DCBLD2: variants seen among roughly 807,000 people sequenced by gnomAD.
DCBLD2 encodes the protein discoidin, CUB and LCCL domain-containing protein 2.
DCBLD2 carries 54 observed loss-of-function variants against 86.8 expected under a neutral mutation model. That is an observed-to-expected ratio of 0.62 (90% CI 0.50 to 0.78). The LOEUF is 0.78. DCBLD2 is among the 30% of genes least tolerant of loss of function. DCBLD2 has a pLI of 0.00. For synonymous variants in DCBLD2, 354 were observed against 341.3 expected (o/e 1.04, Z -0.41); for missense variants, 908 against 954.2 (o/e 0.95, Z 0.64).
intron 2 of DCBLD2, among the ~76,000 whole-genome samples, chr3:98,868,844 A>C (rs1035652519): frequency 1.3e-5 from 2 of 152,142 alleles, no homozygotes; most frequent in African/African-American, 2.4e-5. Flanking sequence ...TATATATATA[A>C]CATTTTCTTT....
chr3:98,865,336 G>A (rs528156844), intron 2 of DCBLD2, among the ~76,000 whole-genome samples: 1 of 152,130 alleles, frequency 6.6e-6, no homozygotes, highest in South Asian at 2.1e-4. Flanking sequence ...GAAACTGGAG[G>A]ATATGATGTT....
At position 98,875,169 on chromosome 3, in the gene DCBLD2, G is replaced by C. The variant is rs1163010722; in HGVS notation, c.433+6371C>G. On this transcript the variant is annotated intron_variant, in intron 2 of 15. Coordinates refer to ENST00000326840, the MANE Select transcript of DCBLD2 (RefSeq NM_080927.4). ...GTGATTGTGTATCTGAAAATCCCTA[G>C]AAAGTGAATGATAAAACTAACTGAA... is the stretch of plus-strand genomic sequence containing the variant. 2.0e-5 allele frequency among the ~76,000 whole-genome samples: 3 copies of C among 152,066 alleles called. No individual in the cohort carries two copies. In the East Asian group the frequency reaches 5.8e-4, roughly 29 times the overall value.
chr3:98,870,720 GGA>G (rs1213880850), intron 2 of DCBLD2, among the ~76,000 whole-genome samples: 2 of 59,464 alleles, frequency 3.4e-5, no homozygotes, highest in African/African-American at 1.4e-4. Context: ...GAAAGAAAAA[GGA>G]AAAGAAAAGA....
At chr3:98,824,284 A>G (rs1331259003) in intron 4 of DCBLD2, among the ~76,000 whole-genome samples, 1 of 151,008 alleles carries the variant, frequency 6.6e-6, no homozygotes, top group African/African-American at 2.4e-5. Flanking sequence ...ATAGCAAGGA[A>G]TCATGAGTGG....
chr3:98,813,400 G>A (rs2107437939), intron 9 of DCBLD2: 2 of 152,420 alleles, frequency 1.3e-5, no homozygotes, highest in Middle Eastern at 3.4e-3. Flanking sequence ...GGGATTACAG[G>A]TGTGCACCAA....
At chr3:98,865,791 C>T (rs369738878) in intron 2 of DCBLD2, among the ~76,000 whole-genome samples, 62 of 151,932 alleles carry the variant, frequency 4.1e-4, no homozygotes, top group African/African-American at 1.0e-3. Flanking sequence ...ACATGTGACA[C>T]GCTGGTGTGC....
At chr3:98,862,159 C>A (rs551218162) in intron 2 of DCBLD2, among the ~76,000 whole-genome samples, 74 of 152,176 alleles carry the variant, frequency 4.9e-4, no homozygotes, top group African/African-American at 1.7e-3. Context: ...CACACCCTCC[C>A]AAGACTAAAC....
At chr3:98,834,983 A>T (rs140619276) in intron 3 of DCBLD2, among the ~76,000 whole-genome samples, 22,990 of 131,892 alleles carry the variant, frequency 0.17, 1 homozygote, top group African/African-American at 0.29. Flanking sequence ...TTTTTTTTTT[A>T]TTTTTTTGAG....
Position 98,816,917 on chromosome 3 carries a change from G to A in DCBLD2, c.1212+852C>T, listed in dbSNP as rs113309056. On this transcript the variant is annotated intron_variant, in intron 9 of 15. Transcript: ENST00000326840. ...CCACCTCAGCCTCCCAAGAAACTGGGACTACAGGCATGCGCCACCATGCCT... is the reference window on the plus strand; with the variant it reads ...CCACCTCAGCCTCCCAAGAAACTGGAACTACAGGCATGCGCCACCATGCCT... Among the ~76,000 whole-genome samples, 928 of 152,190 alleles carry A rather than the reference G, an allele frequency of 6.1e-3. 9 individuals carry two copies. The highest frequency in any genetic ancestry group is 0.021 in the African/African-American group (873 of 41,508).
intron 1 of DCBLD2, among the ~76,000 whole-genome samples, chr3:98,891,108 A>G (rs1052985868): frequency 2.6e-5 from 4 of 151,612 alleles, no homozygotes; most frequent in African/African-American, 9.7e-5. Context: ...TCCAGGGATG[A>G]TGAGTACTAC....
intron 1 of DCBLD2, among the ~76,000 whole-genome samples, chr3:98,892,070 T>C (rs542613913): frequency 1.3e-5 from 2 of 152,230 alleles, no homozygotes; most frequent in East Asian, 1.9e-4. Context: ...CCTAAACTAA[T>C]GTTATGGTAG....
rs374392851 is a variant in DCBLD2, at chr3:98,799,516, G to A, written c.2184C>T (p.Ala728=). 6.2e-7 allele frequency: 1 copy of A among 1,613,988 alleles called. No homozygotes were observed. Among genetic ancestry groups the A allele is most frequent in the Non-Finnish European group, 8.5e-7 (1 of 1,179,884 alleles). Reference sequence around the variant, plus strand: ...CTTTCGGGGTATCATACTGGGCCTGGGCTGAGGAGCAGCTGTCAGTCCTGG... The same window carrying A: ...CTTTCGGGGTATCATACTGGGCCTGAGCTGAGGAGCAGCTGTCAGTCCTGG... ...LLSRTDSCSS[A]QAQYDTPKAG... Residue 728 remains alanine (A), a synonymous_variant, in exon 16 of 16, where the codon GCC becomes GCT. Transcript: ENST00000326840.
intron 3 of DCBLD2, among the ~76,000 whole-genome samples, chr3:98,847,686 A>G (rs1306611790): frequency 1.3e-5 from 2 of 152,176 alleles, no homozygotes; most frequent in East Asian, 1.9e-4. Flanking sequence ...GAGGTTCTTG[A>G]GAATCTCCTC....
intron 2 of DCBLD2, among the ~76,000 whole-genome samples, chr3:98,862,253 G>C (rs530201707): frequency 6.6e-6 from 1 of 152,244 alleles, no homozygotes; most frequent in Admixed American, 6.5e-5. Flanking sequence ...AAAAAGTCCA[G>C]GACCAGACAG....
In DCBLD2 at chr3:98,800,563, G is replaced by T; in HGVS notation, c.1858+16C>A. 1.2e-6 allele frequency: 2 copies of T among 1,606,054 alleles called. No individual in the cohort carries two copies. The highest frequency in any genetic ancestry group is 2.2e-5 in the East Asian group (1 of 44,684). The stretch of plus-strand genomic sequence containing the variant: ...TTCTCCCTCTGCCTGGTACCAGAAG[G>T]CTGCAACATAGTTACCTGCAGAGTC... On this transcript the variant is annotated intron_variant, in intron 15 of 15. Transcript: ENST00000326840.
intron 2 of DCBLD2, among the ~76,000 whole-genome samples, chr3:98,855,071 T>C (rs564127003): frequency 6.6e-6 from 1 of 152,196 alleles, no homozygotes; most frequent in East Asian, 1.9e-4. Context: ...CCCATAGCAA[T>C]GGAGAAGATA....
At chr3:98,867,371 TA>T (rs890753177) in intron 2 of DCBLD2, among the ~76,000 whole-genome samples, 6 of 152,342 alleles carry the variant, frequency 3.9e-5, no homozygotes, top group African/African-American at 1.4e-4. Flanking sequence ...TGTCCTCTTT[TA>T]TTTCATTGAG....
chr3:98,868,125 A>G (rs1288889012), intron 2 of DCBLD2, among the ~76,000 whole-genome samples: 1 of 152,186 alleles, frequency 6.6e-6, no homozygotes, highest in Admixed American at 6.5e-5. Context: ...TGAATCCAAG[A>G]TTTAAATACT....
chr3:98,865,700 TTTTC>T (rs1340701227), intron 2 of DCBLD2, among the ~76,000 whole-genome samples: 1 of 150,704 alleles, frequency 6.6e-6, no homozygotes, highest in Non-Finnish European at 1.5e-5. Context: ...ATATATACAA[TTTTC>T]TTTTTTTATA....
Sources: gnomAD v4.1 joint callset for allele counts (sites outside exome capture counted in the v4.1 genomes callset) on GRCh38, gnomAD v4.1.1 for gene constraint, MANE v1.5 for transcripts, NCBI Gene and HGNC (gene_info 2026-07-23, HGNC 2026-07-21) for gene names.